RUNX1: variants seen among roughly 807,000 people sequenced by gnomAD.
RUNX1 encodes RUNX family transcription factor 1.
Under a neutral mutation model 42.8 loss-of-function variants are expected in RUNX1, and 19 were observed. The ratio of observed to expected loss-of-function variants is 0.44; its 90% CI spans 0.31 to 0.65. RUNX1 has a LOEUF of 0.65. Ranked by LOEUF, RUNX1 falls within the 30% of genes least tolerant of loss-of-function variation. RUNX1 has a pLI of 0.07. For missense variants in RUNX1, 528 were observed against 672.0 expected, an observed-to-expected ratio of 0.79 and a Z score of 2.37; for synonymous variants, 271 against 289.4, an observed-to-expected ratio of 0.94 and a Z score of 0.64.
chr21:35,038,159 T>TG (rs1223474176), intron 2 of RUNX1, among the ~76,000 whole-genome samples: 1 of 152,140 alleles, frequency 6.6e-6, no homozygotes, highest in African/African-American at 2.4e-5. Flanking sequence ...ATGAGAAACT[T>TG]GGGGCTCCGT....
chr21:35,048,744 GGCACCGAGGCATCTCT>G (rs2059418274), intron 2 of RUNX1, 82 bp downstream of exon 2: 1 of 975,064 alleles, frequency 1.0e-6, no homozygotes. Context: ...GGAACTGGCA[GGCACCGAGGCATCTCT>G]GCACCGAGGT....
chr21:34,889,773 G>C (rs760379419), intron 3 of RUNX1: 4 of 1,149,092 alleles, frequency 3.5e-6, no homozygotes, highest in African/African-American at 1.6e-5. Flanking sequence ...CCCCGGTCCG[G>C]CGTGCGCTGC....
At chr21:34,947,568 C>T (rs2058573329) in intron 2 of RUNX1, among the ~76,000 whole-genome samples, 1 of 152,134 alleles carries the variant, frequency 6.6e-6, no homozygotes, top group South Asian at 2.1e-4. Flanking sequence ...TGTTTTTGTC[C>T]ATTTTTTCCC....
intron 2 of RUNX1, among the ~76,000 whole-genome samples, chr21:34,919,901 A>G (rs2058341150): frequency 6.6e-6 from 1 of 152,232 alleles, no homozygotes; most frequent in African/African-American, 2.4e-5. Context: ...ATACTGGAGT[A>G]GGTTTAAGCA....
chr21:34,922,191 C>G (rs1183742670), intron 2 of RUNX1, among the ~76,000 whole-genome samples: 2 of 152,088 alleles, frequency 1.3e-5, no homozygotes, highest in Admixed American at 6.5e-5. Context: ...GGCTGGTGCT[C>G]TGTGTGCCAC....
intron 2 of RUNX1, among the ~76,000 whole-genome samples, chr21:34,939,525 A>G (rs2058510939): frequency 6.6e-6 from 1 of 152,238 alleles, no homozygotes; most frequent in African/African-American, 2.4e-5. Context: ...TCCACCTGCC[A>G]TATCAGAATG....
intron 2 of RUNX1, among the ~76,000 whole-genome samples, chr21:35,044,462 C>T (rs896973922): frequency 4.6e-5 from 7 of 152,180 alleles, no homozygotes; most frequent in East Asian, 1.9e-4. Context: ...CAGATTAATT[C>T]GGTCCACACA....
intron 2 of RUNX1, among the ~76,000 whole-genome samples, chr21:35,046,906 C>G (rs572850593): frequency 6.6e-6 from 1 of 152,094 alleles, no homozygotes; most frequent in Non-Finnish European, 1.5e-5. Flanking sequence ...ACACTGCCTC[C>G]GTGAAAGCTA....
intron 5 of RUNX1, among the ~76,000 whole-genome samples, chr21:34,869,031 G>A (rs1279649207): frequency 6.6e-6 from 1 of 152,130 alleles, no homozygotes; most frequent in Non-Finnish European, 1.5e-5. Flanking sequence ...TGGAATGCCT[G>A]CTGTTATCTC....
intron 2 of RUNX1, among the ~76,000 whole-genome samples, chr21:35,030,786 A>T (rs2059267456): frequency 6.6e-6 from 1 of 152,218 alleles, no homozygotes; most frequent in Non-Finnish European, 1.5e-5. Flanking sequence ...ATAAAGACAA[A>T]ACCTACAGAA....
At chr21:34,909,638 C>A in intron 2 of RUNX1, among the ~76,000 whole-genome samples, 1 of 124,122 alleles carries the variant, frequency 8.1e-6, no homozygotes, top group East Asian at 2.3e-4. Context: ...ACCTGCACTT[C>A]TCCAGAGTGA....
chr21:34,952,386 T>A (rs1289376104), intron 2 of RUNX1, among the ~76,000 whole-genome samples: 1 of 151,560 alleles, frequency 6.6e-6, no homozygotes, highest in Non-Finnish European at 1.5e-5. Context: ...ATAATAATAA[T>A]AAAAAAGAAA....
intron 2 of RUNX1, among the ~76,000 whole-genome samples, chr21:34,931,441 CAA>C (rs1217453109): frequency 7.1e-6 from 1 of 141,312 alleles, no homozygotes; most frequent in East Asian, 2.0e-4. Flanking sequence ...TAAATGTATA[CAA>C]TATATTATAT....
Position 34,792,146 on chromosome 21 carries a change from T to TC in RUNX1, c.1431dup (p.Arg478GlufsTer122). ...CCAGGCCTGGCGCCTCAGTAGGGCCTCCACACGGCCTCCTCCAGGCGCGCG... is the reference window on the plus strand; with the variant it reads ...CCAGGCCTGGCGCCTCAGTAGGGCCTCCCACACGGCCTCCTCCAGGCGCGCG... On this transcript the variant is annotated frameshift_variant, in exon 9 of 9. Coordinates refer to ENST00000675419, the MANE Select transcript of RUNX1 (RefSeq NM_001754.5). LOFTEE classifies it high-confidence loss of function. The surrounding 1 kb of genome is among the most constrained non-coding windows in gnomAD (Gnocchi z 6.9). The TC allele has an allele frequency of 6.7e-7, 1 of 1,489,412 alleles. No homozygotes were observed. The allele number at this position is 1,489,412 out of a possible 1,614,324, so 92.3% of individuals were successfully genotyped here.
At chr21:35,045,177 G>A (rs1442194045) in intron 2 of RUNX1, among the ~76,000 whole-genome samples, 4 of 151,652 alleles carry the variant, frequency 2.6e-5, no homozygotes, top group Admixed American at 2.6e-4. Context: ...ATGATTGTGA[G>A]TTTAGATAGT....
chr21:34,959,543 G>C (rs2058668742), intron 2 of RUNX1, among the ~76,000 whole-genome samples: 1 of 152,178 alleles, frequency 6.6e-6, no homozygotes, highest in South Asian at 2.1e-4. Flanking sequence ...GAGAGACACA[G>C]AGTTAAGGCC....
chr21:34,892,283 G>C (rs2146451773), intron 3 of RUNX1, among the ~76,000 whole-genome samples: 1 of 152,232 alleles, frequency 6.6e-6, no homozygotes, highest in East Asian at 1.9e-4. Flanking sequence ...ACACTATCCA[G>C]TTTTGAACAT....
At chr21:35,007,510 C>A (rs1569148399) in intron 2 of RUNX1, among the ~76,000 whole-genome samples, 1 of 152,232 alleles carries the variant, frequency 6.6e-6, no homozygotes. Flanking sequence ...AAAGCCACCA[C>A]ATTCAATATA....
chr21:34,974,690 C>T lies in RUNX1; in HGVS notation c.58+74152G>A, dbSNP rs112389277. On this transcript the variant is annotated intron_variant, in intron 2 of 8. Coordinates refer to ENST00000675419, the MANE Select transcript of RUNX1 (RefSeq NM_001754.5). ...TCTCTGCCGGCACTCCTTCTAGAAA[C>T]GGCCTTCCCCACACTAAGTAGTTCC... Among the ~76,000 whole-genome samples, 1,257 of 152,296 alleles carry T rather than the reference C, an allele frequency of 8.3e-3. 17 individuals are homozygous for T. The highest frequency in any genetic ancestry group is 0.029 in the African/African-American group (1,203 of 41,552).
Sources: allele counts gnomAD v4.1 joint callset (sites outside exome capture counted in the v4.1 genomes callset), GRCh38; gene constraint gnomAD v4.1.1; non-coding constraint Gnocchi (gnomAD v3.1); transcripts MANE v1.5; gene names NCBI Gene and HGNC (gene_info 2026-07-23, HGNC 2026-07-21).